BTBD10: variants seen among roughly 807,000 people sequenced by gnomAD.
BTBD10 encodes the protein BTB/POZ domain-containing protein 10.
A neutral mutation model predicts 53.2 loss-of-function variants in BTBD10; 21 were observed. The ratio of observed to expected loss-of-function variants is 0.39; its 90% CI spans 0.28 to 0.57. The LOEUF is 0.57. Ranked by LOEUF, BTBD10 falls within the 20% of genes least tolerant of loss-of-function variation. The pLI is 0.53. For synonymous variants in BTBD10, 149 were observed against 192.7 expected, an observed-to-expected ratio of 0.77 and a Z score of 1.88; for missense variants, 360 against 594.7, an observed-to-expected ratio of 0.61 and a Z score of 4.10.
chr11:13,457,623 C>T (rs991041637), intron 1 of BTBD10, among the ~76,000 whole-genome samples: 1 of 152,124 alleles, frequency 6.6e-6, no homozygotes, highest in Non-Finnish European at 1.5e-5. Context: ...ATAAAAAAGA[C>T]ATTAATCAAA....
At position 13,388,752 on chromosome 11, in the gene BTBD10, G is replaced by A; in HGVS notation, c.*79C>T. 3.6e-6 allele frequency: 5 copies of A among 1,401,870 alleles called. No homozygotes were observed. In the South Asian group the frequency reaches 6.5e-5, roughly 18 times the overall value. 86.8% of individuals were successfully genotyped at this position (1,401,870 alleles called of 1,614,324 possible). On this transcript the variant is annotated 3_prime_UTR_variant, in exon 9 of 9. Coordinates refer to ENST00000278174, the MANE Select transcript of BTBD10 (RefSeq NM_032320.7). ...TATGTGCATCTCACAATGAAGAAGA[G>A]TGGCCTTGCAGTGCAGAATGAGGAG...
rs1037889985 is a variant in BTBD10 at position 13,440,021 on chromosome 11, T to G, written c.101+5003A>C. 8.5e-6 allele frequency: 13 copies of G among 1,533,434 alleles called. No homozygotes were observed. The African/African-American group carries it at 1.8e-4, about 21-fold the overall frequency. The allele number at this position is 1,533,434 out of a possible 1,614,324, so 95.0% of individuals were successfully genotyped here. A position where few individuals can be genotyped will look rare whatever the true frequency, so the allele number is the denominator to read the frequency against. On this transcript the variant is annotated intron_variant, in intron 2 of 8. Coordinates refer to ENST00000278174, the MANE Select transcript of BTBD10 (RefSeq NM_032320.7). ...CATCCTTGGGCATTACTAGGAAACTTTAGCACATCTGATATTTCCATCATC... is the reference window on the plus strand; with the variant it reads ...CATCCTTGGGCATTACTAGGAAACTGTAGCACATCTGATATTTCCATCATC...
intron 2 of BTBD10, among the ~76,000 whole-genome samples, chr11:13,434,498 A>G (rs920088140): frequency 6.6e-6 from 1 of 152,224 alleles, no homozygotes; most frequent in Non-Finnish European, 1.5e-5. Flanking sequence ...GGGTTGCTGG[A>G]GCACAGAAAA....
intron 8 of BTBD10, among the ~76,000 whole-genome samples, chr11:13,396,800 A>G (rs1949563281): frequency 6.6e-6 from 1 of 152,112 alleles, no homozygotes; most frequent in Non-Finnish European, 1.5e-5. Flanking sequence ...TGAGATAATC[A>G]TGTGTTTTTT....
Position 13,419,347 on chromosome 11 carries a change from T to C in BTBD10, c.584+113A>G. The C allele has an allele frequency of 2.2e-6, 3 of 1,366,584 alleles. 1 individual carries two copies. The highest frequency in any genetic ancestry group is 4.2e-4 in the Middle Eastern group (2 of 4,818). 84.7% of individuals were successfully genotyped at this position (1,366,584 alleles called of 1,614,324 possible). A position where few individuals can be genotyped will look rare whatever the true frequency, so the allele number is the denominator to read the frequency against. ...CTCCAAAGCTCAGTTCTTTCATCTGTAAAACAGAAATGTTACATTTCAACA... is the reference window on the plus strand; with the variant it reads ...CTCCAAAGCTCAGTTCTTTCATCTGCAAAACAGAAATGTTACATTTCAACA... On this transcript the variant is annotated intron_variant, in intron 4 of 8. Transcript: ENST00000278174.
intron 1 of BTBD10, among the ~76,000 whole-genome samples, chr11:13,459,058 ATTTTTTTT>A (rs199960942): frequency 8.1e-4 from 109 of 135,344 alleles, no homozygotes; most frequent in African/African-American, 2.7e-3. Context: ...TTATTTATTT[ATTTTTTTT>A]TTTTTTTTGA....
At chr11:13,390,001 G>A (rs993588694) in intron 8 of BTBD10, among the ~76,000 whole-genome samples, 4 of 151,722 alleles carry the variant, frequency 2.6e-5, no homozygotes, top group Non-Finnish European at 5.9e-5. Flanking sequence ...TCACATTCCC[G>A]AAGCAGCGTT....
intron 2 of BTBD10, among the ~76,000 whole-genome samples, chr11:13,435,306 A>C (rs1591151903): frequency 6.6e-6 from 1 of 152,198 alleles, no homozygotes; most frequent in East Asian, 1.9e-4. Flanking sequence ...ACACTGTGCC[A>C]GTTACTGTTC....
chr11:13,408,814 T>C (rs1949880770), intron 6 of BTBD10, among the ~76,000 whole-genome samples: 1 of 152,210 alleles, frequency 6.6e-6, no homozygotes. Flanking sequence ...TACCTGGACT[T>C]TGACAGTGGC....
At chr11:13,444,047 A>G in intron 2 of BTBD10, among the ~76,000 whole-genome samples, 1 of 152,216 alleles carries the variant, frequency 6.6e-6, no homozygotes. Flanking sequence ...AAATTATTAA[A>G]AAGTCAACTT....
chr11:13,424,777 C>A (rs1950306096), intron 2 of BTBD10, among the ~76,000 whole-genome samples: 1 of 152,098 alleles, frequency 6.6e-6, no homozygotes, highest in Admixed American at 6.5e-5. Context: ...CAACAGTCTG[C>A]AAGACACGGC....
At chr11:13,430,241 T>C (rs1490077127) in intron 2 of BTBD10, among the ~76,000 whole-genome samples, 1 of 152,054 alleles carries the variant, frequency 6.6e-6, no homozygotes. Flanking sequence ...GGTAAAAAAT[T>C]TGAGATATGC....
chr11:13,441,894 T>A (rs1027588810), intron 2 of BTBD10, among the ~76,000 whole-genome samples: 2 of 152,170 alleles, frequency 1.3e-5, no homozygotes, highest in African/African-American at 4.8e-5. Flanking sequence ...CCATATGACA[T>A]GATTCTAGCC....
chr11:13,428,365 T>C (rs1950383179), intron 2 of BTBD10, among the ~76,000 whole-genome samples: 1 of 152,050 alleles, frequency 6.6e-6, no homozygotes, highest in Non-Finnish European at 1.5e-5. Flanking sequence ...GCATTTAAGA[T>C]AGAAATAATA....
At chr11:13,455,665 C>T (rs922185056) in intron 1 of BTBD10, among the ~76,000 whole-genome samples, 7 of 152,148 alleles carry the variant, frequency 4.6e-5, no homozygotes, top group East Asian at 1.9e-4. Flanking sequence ...TTAGTTGAAG[C>T]AAACCATCTT....
chr11:13,439,669 C>G (rs1480544471), intron 2 of BTBD10, among the ~76,000 whole-genome samples: 1 of 151,956 alleles, frequency 6.6e-6, no homozygotes, highest in Non-Finnish European at 1.5e-5. Context: ...AAATAAAACA[C>G]AAAGCATCAA....
Position 13,417,228 on chromosome 11 carries a change from G to T in BTBD10, c.617C>A (p.Thr206Lys). 1 of 1,613,400 alleles carries T rather than the reference G, an allele frequency of 6.2e-7. No homozygotes were observed. Among genetic ancestry groups the T allele is most frequent in the Non-Finnish European group, 8.5e-7 (1 of 1,179,642 alleles). The change falls in exon 5 of 9, where the codon ACA becomes AAA. Residue 206 changes from threonine (T) to lysine (K), a missense_variant. Around this residue, in one of 6 missense-constraint regions of BTBD10, gnomAD observed 91 missense variants for 171.7 expected, o/e 0.53. Transcript: ENST00000278174. Reference protein sequence around the residue: ...MFGSGREHNFTRPNEKGEYEV... With the variant: ...MFGSGREHNFKRPNEKGEYEV... ...ATACTCTCCTTTCTCATTGGGTCGT[G>T]TAAAGTTATGTTCTCGGCCAGATCC...
At chr11:13,405,526 A>G in intron 7 of BTBD10, 133 bp downstream of exon 7, 1 of 968,882 alleles carries the variant, frequency 1.0e-6, no homozygotes, top group Admixed American at 2.4e-5. Flanking sequence ...GGCAATACAT[A>G]AAACTTAATT....
At chr11:13,410,298 G>A (rs1949912830) in intron 6 of BTBD10, among the ~76,000 whole-genome samples, 1 of 152,196 alleles carries the variant, frequency 6.6e-6, no homozygotes, top group South Asian at 2.1e-4. Context: ...GTAGCTAACA[G>A]TGGAGAACAA....
Sources: allele counts gnomAD v4.1 joint callset (sites outside exome capture counted in the v4.1 genomes callset), GRCh38; gene constraint gnomAD v4.1.1; regional missense constraint gnomAD v4.1.1; transcripts MANE v1.5; gene names NCBI Gene and HGNC (gene_info 2026-07-23, HGNC 2026-07-21).